The following ANKRD44 variants were observed in gnomAD, a reference collection of about 807,000 sequenced individuals.
The protein encoded by ANKRD44 is serine/threonine-protein phosphatase 6 regulatory ankyrin repeat subunit B.
ANKRD44 carries 35 observed loss-of-function variants against 116.0 expected under a neutral mutation model. That is an observed-to-expected ratio of 0.30 (90% CI 0.23 to 0.40). The LOEUF (loss-of-function observed/expected upper bound fraction) is 0.40. Among genes scored for constraint, ANKRD44 ranks in the 10% least tolerant of loss-of-function variants. ANKRD44 has a pLI of 1.00. For missense variants in ANKRD44, 1,014 were observed against 1,242.6 expected, an observed-to-expected ratio of 0.82 and a Z score of 2.77; for synonymous variants, 435 against 461.8, an observed-to-expected ratio of 0.94 and a Z score of 0.74.
chr2:196,968,268 AT>A (rs1213120264), intron 21 of ANKRD44, among the ~76,000 whole-genome samples: 1 of 152,178 alleles, frequency 6.6e-6, no homozygotes, highest in Non-Finnish European at 1.5e-5. Context: ...AAAATATTAG[AT>A]TTCCTCAAGG....
At position 197,310,722 on chromosome 2, in the gene ANKRD44, G is replaced by T; in HGVS notation, c.-118C>A. On this transcript the variant is annotated 5_prime_UTR_variant, in exon 1 of 28. Coordinates refer to ENST00000282272, the MANE Select transcript of ANKRD44 (RefSeq NM_001195144.2). ...GGGAAAAAATCTGGCTCCCGAATTT[G>T]ACAGCCCTCCCCCTGCTCCTCCTCC... 9.1e-7 allele frequency: 1 copy of T among 1,100,600 alleles called. No individual in the cohort carries two copies. 68.2% of individuals were successfully genotyped at this position (1,100,600 alleles called of 1,614,324 possible).
rs528839800 is a variant in ANKRD44 at position 197,112,265 on chromosome 2, T to A, written c.907-1421A>T. On this transcript the variant is annotated intron_variant, in intron 8 of 27. Transcript: ENST00000282272. ...TAAAATACGAGGTTTTAAAAATGCA[T>A]GTTCATTTTGTGATGAAATCCAAAT... Among the ~76,000 whole-genome samples, 4 of 152,360 alleles carry A rather than the reference T, an allele frequency of 2.6e-5. No homozygotes were observed. In the South Asian group the frequency reaches 8.3e-4, roughly 32 times the overall value.
chr2:197,053,119 C>T (rs1020902956), intron 16 of ANKRD44, among the ~76,000 whole-genome samples: 7 of 151,988 alleles, frequency 4.6e-5, no homozygotes, highest in Admixed American at 2.0e-4. Flanking sequence ...TGTGGTGAGC[C>T]GAGATCGCAC....
At chr2:197,247,444 C>T (rs1212376702) in intron 1 of ANKRD44, among the ~76,000 whole-genome samples, 24 of 152,162 alleles carry the variant, frequency 1.6e-4, no homozygotes, top group Admixed American at 1.6e-3. Flanking sequence ...TTTAGCAACC[C>T]TGTCATAGGG....
At chr2:196,990,362 C>G (rs1056603001) in intron 27 of ANKRD44, 69 of 1,022,268 alleles carry the variant, frequency 6.7e-5, no homozygotes, top group Non-Finnish European at 8.0e-5. Context: ...TTATTCATAG[C>G]GAACAGCTGC....
rs530105325 is a variant in ANKRD44, at chr2:197,212,517, A to G, written c.28-25411T>C. On this transcript the variant is annotated intron_variant, in intron 1 of 27. Coordinates refer to ENST00000282272, the MANE Select transcript of ANKRD44 (RefSeq NM_001195144.2). This position sits in a 1 kb window ranked among gnomAD's most constrained non-coding sequence, Gnocchi z 4.8. ...ATTCGGTCACTGTGGTCACCACTAT[A>G]TCCCTAACTGCTAGCACATAGTAGG... 6.6e-6 allele frequency among the ~76,000 whole-genome samples: 1 copy of G among 152,336 alleles called. No homozygotes were observed. The highest frequency in any genetic ancestry group is 2.4e-5 in the African/African-American group (1 of 41,584).
chr2:197,244,999 G>T (rs575038025), intron 1 of ANKRD44, among the ~76,000 whole-genome samples: 3 of 152,342 alleles, frequency 2.0e-5, no homozygotes, highest in South Asian at 2.1e-4. Flanking sequence ...TAAAGGCCGG[G>T]TGTGGTAGCT....
At chr2:196,985,702 C>T (rs1217381524), downstream of ANKRD44, among the ~76,000 whole-genome samples, 6 of 152,186 alleles carry the variant, frequency 3.9e-5, no homozygotes, top group Non-Finnish European at 5.9e-5. Context: ...GTAATAACTG[C>T]TAACATTCTA....
At chr2:197,287,102 ATG>A (rs1305012275) in intron 1 of ANKRD44, among the ~76,000 whole-genome samples, 1 of 152,140 alleles carries the variant, frequency 6.6e-6, no homozygotes, top group Admixed American at 6.5e-5. Context: ...TTGGGTGATG[ATG>A]TGTCAATGCA....
At chr2:197,154,580 A>G (rs1211053436) in intron 2 of ANKRD44, among the ~76,000 whole-genome samples, 1 of 152,048 alleles carries the variant, frequency 6.6e-6, no homozygotes, top group Non-Finnish European at 1.5e-5. Flanking sequence ...CCTATTGTTA[A>G]ATTTGGTTAT....
intron 1 of ANKRD44, among the ~76,000 whole-genome samples, chr2:197,287,590 GA>G (rs2105858286): frequency 6.6e-6 from 1 of 152,308 alleles, no homozygotes; most frequent in African/African-American, 2.4e-5. Context: ...TCAACACACA[GA>G]CAACCACACA....
chr2:196,994,895 G>A (rs191723725), intron 26 of ANKRD44: 4 of 152,770 alleles, frequency 2.6e-5, no homozygotes, highest in African/African-American at 9.6e-5. Flanking sequence ...AGCGGAAAAT[G>A]AAACAGCTTT....
intron 1 of ANKRD44, chr2:197,263,162 T>C (rs2082652181): frequency 4.2e-6 from 2 of 472,810 alleles, no homozygotes; most frequent in South Asian, 4.0e-5. Flanking sequence ...CAAGAGCGCC[T>C]CACAGCTGCT....
At chr2:197,023,186 C>T (rs2076529286) in intron 17 of ANKRD44, among the ~76,000 whole-genome samples, 2 of 152,226 alleles carry the variant, frequency 1.3e-5, no homozygotes, top group African/African-American at 4.8e-5. Context: ...CATCCATTAA[C>T]TCATGCCATC....
At chr2:196,984,931 T>G (rs2075826616), downstream of ANKRD44, among the ~76,000 whole-genome samples, 1 of 152,236 alleles carries the variant, frequency 6.6e-6, no homozygotes, top group South Asian at 2.1e-4. Flanking sequence ...GAGTATAGAT[T>G]GGACTTAGTA....
chr2:197,144,379 T>C (rs1260401761), intron 3 of ANKRD44, among the ~76,000 whole-genome samples: 1 of 152,210 alleles, frequency 6.6e-6, no homozygotes, highest in Non-Finnish European at 1.5e-5. Flanking sequence ...GGAAACAGTT[T>C]GGTTGGATTC....
rs149494060 is a variant in ANKRD44 at position 197,005,812 on chromosome 2, T to C, written c.2229A>G (p.Ala743=). The C allele has an allele frequency of 2.2e-3, 3,478 of 1,614,288 alleles. 10 individuals carry two copies. The highest frequency in any genetic ancestry group is 2.7e-3 in the Non-Finnish European group (3,196 of 1,180,052). Reference sequence around the variant, plus strand: ...GCCACGTGGCGTGGCCACGAGCAGCTGCATAGTGCAAGGGCGTCCTCCCTC... The same window carrying C: ...GCCACGTGGCGTGGCCACGAGCAGCCGCATAGTGCAAGGGCGTCCTCCCTC... ...DSRGRTPLHY[A]AARGHATWLS... Residue 743 remains alanine, a synonymous_variant, in exon 21 of 28, where the codon GCA becomes GCG. Transcript: ENST00000282272.
At chr2:197,124,487 T>A (rs866058782) in intron 6 of ANKRD44, among the ~76,000 whole-genome samples, 1 of 152,236 alleles carries the variant, frequency 6.6e-6, no homozygotes, top group Admixed American at 6.5e-5. Flanking sequence ...AAAATGAGAA[T>A]TATATTATTT....
chr2:197,218,630 G>A (rs1218329088), intron 1 of ANKRD44, among the ~76,000 whole-genome samples: 1 of 151,764 alleles, frequency 6.6e-6, no homozygotes, highest in African/African-American at 2.4e-5. Flanking sequence ...ATGAAAACCT[G>A]TACTTTTGGA....
Sources: gnomAD v4.1 joint callset for allele counts (sites outside exome capture counted in the v4.1 genomes callset) on GRCh38, gnomAD v4.1.1 for gene constraint, Gnocchi (gnomAD v3.1) non-coding constraint, MANE v1.5 for transcripts, NCBI Gene and HGNC (gene_info 2026-07-23, HGNC 2026-07-21) for gene names.